Variants in ALDH1A2 observed in about 807,000 individuals in gnomAD.
The protein encoded by ALDH1A2 is aldehyde dehydrogenase 1 family member A2.
A neutral mutation model predicts 60.3 loss-of-function variants in ALDH1A2; 27 were observed. The ratio of observed to expected loss-of-function variants is 0.45; its 90% CI spans 0.33 to 0.62. The LOEUF (loss-of-function observed/expected upper bound fraction) is 0.62, where lower values mean the gene tolerates loss of function less well. Ranked by LOEUF, ALDH1A2 falls within the 20% of genes least tolerant of loss-of-function variation. The pLI is 0.02. For synonymous variants in ALDH1A2, 289 were observed against 232.4 expected (o/e 1.24, Z -2.21); for missense variants, 581 against 643.8 (o/e 0.90, Z 1.06).
At chr15:57,997,634 T>C (rs1215587896) in intron 4 of ALDH1A2, among the ~76,000 whole-genome samples, 1 of 152,018 alleles carries the variant, frequency 6.6e-6, no homozygotes. Flanking sequence ...TTATGATGCT[T>C]AGACATTTAG....
intron 1 of ALDH1A2, among the ~76,000 whole-genome samples, chr15:58,042,270 T>C (rs1896535068): frequency 6.6e-6 from 1 of 151,920 alleles, no homozygotes; most frequent in Non-Finnish European, 1.5e-5. Flanking sequence ...CTAAATCCCT[T>C]CATACAGAGC....
At chr15:57,955,555 A>G (rs563257890) in intron 12 of ALDH1A2, among the ~76,000 whole-genome samples, 7 of 152,336 alleles carry the variant, frequency 4.6e-5, no homozygotes, top group African/African-American at 1.2e-4. Flanking sequence ...CAGACAGGCA[A>G]TGACTCTCAA....
chr15:57,985,000 T>C (rs1894648219), intron 7 of ALDH1A2, among the ~76,000 whole-genome samples: 1 of 152,230 alleles, frequency 6.6e-6, no homozygotes, highest in Non-Finnish European at 1.5e-5. Flanking sequence ...ATCATTTTTA[T>C]ATATTTCTGG....
At chr15:58,062,458 T>G (rs2140591320) in intron 1 of ALDH1A2, among the ~76,000 whole-genome samples, 1 of 152,358 alleles carries the variant, frequency 6.6e-6, no homozygotes, top group South Asian at 2.1e-4. Context: ...AGTAAAGTGC[T>G]GAGCCTTGAC....
rs944147820 is a variant in ALDH1A2 at position 57,954,902 on chromosome 15, T to C, written c.*295A>G. 3.7e-5 allele frequency: 18 copies of C among 484,852 alleles called. No homozygotes were observed. The highest frequency in any genetic ancestry group is 3.1e-4 in the African/African-American group (16 of 51,494). 30.0% of individuals were successfully genotyped at this position (484,852 alleles called of 1,614,324 possible). A position where few individuals can be genotyped will look rare whatever the true frequency, so the allele number is the denominator to read the frequency against. On this transcript the variant is annotated 3_prime_UTR_variant, in exon 13 of 13. Transcript: ENST00000249750. ...GACATGAAATAATACAGCTCCCTTA[T>C]TTCATCCTGTGCTCCAGAAGGAGAT...
chr15:57,978,348 T>C (rs557149211), intron 7 of ALDH1A2, among the ~76,000 whole-genome samples: 1 of 152,296 alleles, frequency 6.6e-6, no homozygotes, highest in Admixed American at 6.5e-5. Context: ...ATAGCTCTAA[T>C]TGAGATATGG....
In ALDH1A2 at chr15:57,956,572, C is replaced by A. The variant is rs113778821; in HGVS notation, c.1485-1303G>T. On this transcript the variant is annotated intron_variant, in intron 12 of 12. Transcript: ENST00000249750. ...GAGAGACTGGGGCAAGCAGGCTGTT[C>A]TCCTGTCCGTATAGTTCATTTCGCT... is the stretch of plus-strand genomic sequence containing the variant. Among the ~76,000 whole-genome samples, 1,371 of 152,214 alleles carry A rather than the reference C, an allele frequency of 9.0e-3. 18 individuals are homozygous for A. The highest frequency in any genetic ancestry group is 0.031 in the African/African-American group (1,302 of 41,520).
intron 12 of ALDH1A2, 114 bp downstream of exon 12, chr15:57,960,656 A>T: frequency 1.1e-6 from 1 of 881,158 alleles, no homozygotes; most frequent in South Asian, 1.4e-5. Flanking sequence ...GCTCCACGAA[A>T]TGTTTGTTGA....
At chr15:57,973,414 A>G (rs1192260052) in intron 7 of ALDH1A2, among the ~76,000 whole-genome samples, 1 of 152,168 alleles carries the variant, frequency 6.6e-6, no homozygotes, top group Non-Finnish European at 1.5e-5. Context: ...TGTTCCAGAC[A>G]CTTTGTAATG....
intron 7 of ALDH1A2, 29 bp downstream of exon 7, chr15:57,992,676 C>G: frequency 6.3e-7 from 1 of 1,599,500 alleles, no homozygotes; most frequent in Non-Finnish European, 8.6e-7. Flanking sequence ...CAAGACTGTT[C>G]CTCAAGCCCT....
At chr15:57,971,350 A>G (rs1300236948) in intron 7 of ALDH1A2, among the ~76,000 whole-genome samples, 2 of 152,102 alleles carry the variant, frequency 1.3e-5, no homozygotes, top group Non-Finnish European at 2.9e-5. Flanking sequence ...TCACAGTGCT[A>G]TGTACGTAAC....
intron 7 of ALDH1A2, among the ~76,000 whole-genome samples, chr15:57,988,785 A>G (rs749656486): frequency 1.2e-4 from 19 of 152,240 alleles, no homozygotes; most frequent in Admixed American, 5.2e-4. Flanking sequence ...GCCTTGCAAT[A>G]AGCACTTATG....
At chr15:57,971,121 A>C (rs1463559231) in intron 7 of ALDH1A2, among the ~76,000 whole-genome samples, 1 of 152,130 alleles carries the variant, frequency 6.6e-6, no homozygotes, top group African/African-American at 2.4e-5. Context: ...CACCATTCCC[A>C]CCACCACTCA....
In ALDH1A2 at chr15:57,992,804, G is replaced by A. The variant is rs540897686; in HGVS notation, c.699C>T (p.Pro233=). Reference sequence around the variant, plus strand: ...ATCCTGGCAAAATATTGATGACCCCGGGAGGAAAGCCAGCCTAAGAAAACA... The same window carrying A: ...ATCCTGGCAAAATATTGATGACCCCAGGAGGAAAGCCAGCCTAAGAAAACA... ...GALIKEAGFP[P]GVINILPGYG... Residue 233 remains proline (P), a synonymous_variant, in exon 7 of 13, where the codon CCC becomes CCT. Transcript: ENST00000249750. 7.7e-5 allele frequency: 124 copies of A among 1,614,042 alleles called. 1 individual carries two copies. The highest frequency in any genetic ancestry group is 2.6e-4 in the South Asian group (24 of 91,080).
At chr15:58,043,386 A>G (rs1896564657) in intron 1 of ALDH1A2, among the ~76,000 whole-genome samples, 1 of 152,014 alleles carries the variant, frequency 6.6e-6, no homozygotes, top group Non-Finnish European at 1.5e-5. Flanking sequence ...GGGTTAGTGG[A>G]TATAGAACAC....
In ALDH1A2 at chr15:57,954,711, A is replaced by T. The variant is rs1391181629; in HGVS notation, c.*486T>A. ...ACATGAAATGATAATTTGGCTTTAC[A>T]ACCTTGAAAAATTGTTCCCGGCCCA... On this transcript the variant is annotated 3_prime_UTR_variant, in exon 13 of 13. Transcript: ENST00000249750. The T allele has an allele frequency of 5.1e-6, 1 of 195,166 alleles. No homozygotes were observed. The allele number at this position is 195,166 out of a possible 1,614,324, so 12.1% of individuals were successfully genotyped here.
At chr15:58,036,052 T>C (rs1286345670) in intron 1 of ALDH1A2, among the ~76,000 whole-genome samples, 2 of 151,716 alleles carry the variant, frequency 1.3e-5, no homozygotes, top group Non-Finnish European at 3.0e-5. Flanking sequence ...CTCTTACTAC[T>C]TCTATTTAAT....
At chr15:57,964,146 T>A (rs1255901183) in intron 8 of ALDH1A2, 77 bp from the exon 9 acceptor site, 1 of 1,509,644 alleles carries the variant, frequency 6.6e-7, no homozygotes, top group Non-Finnish European at 9.1e-7. Context: ...CCCTCCCCTC[T>A]CCAAAGCCCT....
intron 12 of ALDH1A2, among the ~76,000 whole-genome samples, chr15:57,960,171 T>C (rs1192178155): frequency 1.3e-5 from 2 of 152,204 alleles, no homozygotes; most frequent in Non-Finnish European, 2.9e-5. Flanking sequence ...TAGTTTTATT[T>C]ACCCCAAAAC....
Sources: gnomAD v4.1 joint callset for allele counts (sites outside exome capture counted in the v4.1 genomes callset) on GRCh38, gnomAD v4.1.1 for gene constraint, MANE v1.5 for transcripts, NCBI Gene and HGNC (gene_info 2026-07-23, HGNC 2026-07-21) for gene names.